The following PAX6 variants were observed in gnomAD, a reference collection of about 807,000 sequenced individuals.
PAX6 encodes paired box protein Pax-6.
A neutral mutation model predicts 60.7 loss-of-function variants in PAX6; 7 were observed. That is an observed-to-expected ratio of 0.12 (90% confidence interval 0.07 to 0.22). The LOEUF (loss-of-function observed/expected upper bound fraction) is 0.22, where lower values mean the gene tolerates loss of function less well. Among genes scored for constraint, PAX6 ranks in the 10% least tolerant of loss-of-function variants. PAX6 has a pLI of 1.00. For missense variants in PAX6, 355 were observed against 555.2 expected, an observed-to-expected ratio of 0.64 and a Z score of 3.62; for synonymous variants, 208 against 201.2, an observed-to-expected ratio of 1.03 and a Z score of -0.29.
intron 10 of PAX6, 51 bp from the exon 11 acceptor site, chr11:31,793,853 C>T: frequency 6.2e-7 from 1 of 1,609,192 alleles, no homozygotes; most frequent in African/African-American, 1.3e-5. Context: ...GAGCCCAGCC[C>T]CACCTTGGCA....
chr11:31,790,106 A>AAC (rs1479995393), intron 13 of PAX6, 87 bp from the exon 14 acceptor site: 2 of 784,174 alleles, frequency 2.6e-6, no homozygotes, highest in African/African-American at 1.8e-5. Flanking sequence ...ACAAAAAAAA[A>AAC]AAAAAAAAAA....
intron 1 of PAX6, chr11:31,816,714 C>G: frequency 4.3e-6 from 3 of 691,104 alleles, no homozygotes; most frequent in Non-Finnish European, 5.3e-6. Context: ...CGCCACCGCT[C>G]GGAGTCGGGC....
upstream of PAX6, chr11:31,812,823 G>A (rs1351882609): frequency 1.3e-5 from 2 of 152,330 alleles, no homozygotes; most frequent in African/African-American, 4.8e-5. Flanking sequence ...CTTAGGGAAA[G>A]TGCTGAAAGT....
chr11:31,790,109 A>AC (rs1949335570), intron 13 of PAX6, 90 bp from the exon 14 acceptor site: 6 of 797,256 alleles, frequency 7.5e-6, no homozygotes, highest in Non-Finnish European at 1.0e-5. Flanking sequence ...AAAAAAAAAA[A>AC]AAAAAAAAAA....
chr11:31,807,327 T>G (rs1462543115), intron 2 of PAX6: 1 of 152,616 alleles, frequency 6.6e-6, no homozygotes, highest in Non-Finnish European at 1.5e-5. Flanking sequence ...ACCTTGGAAC[T>G]TCCTGGTGCC....
intron 13 of PAX6, 76 bp from the exon 14 acceptor site, chr11:31,790,095 T>TAAAAAA: frequency 4.9e-5 from 3 of 61,282 alleles, no homozygotes; most frequent in Admixed American, 4.5e-4. Context: ...TTTATAGGTT[T>TAAAAAA]ACAAAAAAAA....
chr11:31,811,744 C>G (rs1332374313), upstream of PAX6: 2 of 152,928 alleles, frequency 1.3e-5, no homozygotes, highest in Non-Finnish European at 2.9e-5. Flanking sequence ...CCCCGCCCGC[C>G]CCCACCCCAT....
At chr11:31,799,230 G>A (rs1166151566) in intron 8 of PAX6, among the ~76,000 whole-genome samples, 1 of 152,148 alleles carries the variant, frequency 6.6e-6, no homozygotes, top group Non-Finnish European at 1.5e-5. Context: ...TCTCACCAGA[G>A]GCGGGAGCGG....
At chr11:31,816,769 T>C (rs1042662334) in intron 1 of PAX6, 6 of 632,910 alleles carry the variant, frequency 9.5e-6, no homozygotes, top group Non-Finnish European at 1.7e-5. Flanking sequence ...CCGAAGGTGC[T>C]CCCAGAAGAC....
At chr11:31,794,871 C>T (rs1015537205) in intron 8 of PAX6, 83 bp from the exon 9 acceptor site, 15 of 1,300,218 alleles carry the variant, frequency 1.2e-5, no homozygotes, top group Non-Finnish European at 1.7e-5. Context: ...TCTTAAACTC[C>T]AAGAGCATTA....
At chr11:31,790,300 T>C in intron 13 of PAX6, 1 of 624,896 alleles carries the variant, frequency 1.6e-6, no homozygotes, top group Non-Finnish European at 2.4e-6. Flanking sequence ...TTTGGAACTT[T>C]TACAATAAAG....
upstream of PAX6, among the ~76,000 whole-genome samples, chr11:31,815,885 G>GC (rs1396452629): frequency 6.6e-6 from 1 of 152,218 alleles, no homozygotes; most frequent in Non-Finnish European, 1.5e-5. Flanking sequence ...GAAAACCGCT[G>GC]CCCGGGGGAC....
upstream of PAX6, chr11:31,814,990 G>GTCCCTCTCTCTCTCTCTC (rs1957306078): frequency 7.7e-6 from 1 of 130,368 alleles, no homozygotes; most frequent in South Asian, 2.5e-4. Context: ...AGGCCAGCCT[G>GTCCCTCTCTCTCTCTCTC]TCTCTCTCTC....
At chr11:31,803,207 C>G (rs913767275) in intron 4 of PAX6, 1 of 309,408 alleles carries the variant, frequency 3.2e-6, no homozygotes, top group Admixed American at 4.2e-5. Context: ...CAGCCATAAC[C>G]CCAGCAGTGT....
chr11:31,794,215 C>T (rs1950749392), intron 9 of PAX6, 101 bp from the exon 10 acceptor site: 1 of 823,052 alleles, frequency 1.2e-6, no homozygotes, highest in South Asian at 1.3e-5. Flanking sequence ...CTCCCATTAC[C>T]TCCAACCAAT....
At chr11:31,800,526 A>T in intron 8 of PAX6, 165 bp downstream of exon 8, 1 of 883,088 alleles carries the variant, frequency 1.1e-6, no homozygotes. Context: ...TTCAACAAAC[A>T]CCACCTACAT....
At chr11:31,798,327 G>T (rs1437018295) in intron 8 of PAX6, among the ~76,000 whole-genome samples, 1 of 152,192 alleles carries the variant, frequency 6.6e-6, no homozygotes, top group Non-Finnish European at 1.5e-5. Context: ...ACGTCGTCGC[G>T]ATTTTATTCA....
At chr11:31,790,554 A>G (rs941354761) in intron 13 of PAX6, 156 bp downstream of exon 13, 3 of 949,402 alleles carry the variant, frequency 3.2e-6, no homozygotes, top group Non-Finnish European at 3.8e-6. Context: ...GTTACTAATT[A>G]GCTTAACTGA....
chr11:31,797,983 T>TGAGAGAGAGA lies in PAX6; in HGVS notation c.565+2698_565+2707dup, dbSNP rs10694272. On this transcript the variant is annotated intron_variant, in intron 8 of 13. Coordinates refer to ENST00000640368, the MANE Select transcript of PAX6 (RefSeq NM_001368894.2). ...ATAGGATTTGTTTCCTGGAAGGAGG[T>TGAGAGAGAGA]GAGAGAGAGAGAGAGAGAGAGAGAC... is the stretch of plus-strand genomic sequence containing the variant. Among the ~76,000 whole-genome samples the TGAGAGAGAGA allele has an allele frequency of 3.7e-3, 548 of 148,294 alleles. 2 individuals are homozygous for TGAGAGAGAGA. Among genetic ancestry groups the TGAGAGAGAGA allele is most frequent in the African/African-American group, 0.013 (509 of 40,190 alleles).
Sources: gnomAD v4.1 joint callset for allele counts (sites outside exome capture counted in the v4.1 genomes callset) on GRCh38, gnomAD v4.1.1 for gene constraint, MANE v1.5 for transcripts, NCBI Gene and HGNC (gene_info 2026-07-23, HGNC 2026-07-21) for gene names.